The following ZFP1 variants were observed in gnomAD, a reference collection of about 807,000 sequenced individuals.
The protein encoded by ZFP1 is zinc finger protein 1 homolog.
A neutral mutation model predicts 38.5 loss-of-function variants in ZFP1; 32 were observed. That is an observed-to-expected ratio of 0.83 (90% CI 0.63 to 1.12). ZFP1 has a LOEUF of 1.12. Among genes scored for constraint, ZFP1 ranks in the 50% most tolerant of loss-of-function variants. ZFP1 has a pLI of 0.00. For missense variants in ZFP1, 616 were observed against 480.8 expected, an observed-to-expected ratio of 1.28 and a Z score of -2.63; for synonymous variants, 245 against 168.8, an observed-to-expected ratio of 1.45 and a Z score of -3.50.
chr16:75,124,610 C>T, the ZFP1 span, among the ~76,000 whole-genome samples: 3 of 149,808 alleles, frequency 2.0e-5, no homozygotes, highest in African/African-American at 7.3e-5. Flanking sequence ...GGTGAAACCC[C>T]ATCTCTACTA....
the ZFP1 span, among the ~76,000 whole-genome samples, chr16:75,136,779 G>A: frequency 1.3e-5 from 2 of 152,208 alleles, no homozygotes; most frequent in East Asian, 3.9e-4. Context: ...ACTGAGGCAG[G>A]AAGACTGCTT....
intron 2 of ZFP1, among the ~76,000 whole-genome samples, chr16:75,159,323 TTCCCTCCCTCCCTCCC>T (rs1182125172): frequency 4.6e-4 from 3 of 6,568 alleles, no homozygotes; most frequent in African/African-American, 7.5e-4. Flanking sequence ...TTTCCCTCCT[TTCCCTCCCTCCCTCCC>T]TCCCTCCCTC....
chr16:75,170,495 G>A lies in ZFP1; in HGVS notation c.*161G>A. 1 of 1,062,616 alleles carries A rather than the reference G, an allele frequency of 9.4e-7. No individual in the cohort carries two copies. Among genetic ancestry groups the A allele is most frequent in the East Asian group, 2.7e-5 (1 of 37,018 alleles). 65.8% of individuals were successfully genotyped at this position (1,062,616 alleles called of 1,614,324 possible). On this transcript the variant is annotated 3_prime_UTR_variant, in exon 4 of 4. Coordinates refer to ENST00000570010, the MANE Select transcript of ZFP1 (RefSeq NM_153688.4). ...AGGATCCCATGAGAACATTATACTG[G>A]AAGTTACATGTGATACCCAGCTAAA...
At chr16:75,169,112 TG>T in intron 3 of ZFP1, 140 bp from the exon 4 acceptor site, 1 of 1,154,914 alleles carries the variant, frequency 8.7e-7, no homozygotes, top group Non-Finnish European at 1.2e-6. Flanking sequence ...ACATTTGCAC[TG>T]GGAATTTTTT....
the ZFP1 span, among the ~76,000 whole-genome samples, chr16:75,125,088 A>G: frequency 6.6e-6 from 1 of 151,546 alleles, no homozygotes; most frequent in East Asian, 2.0e-4. Context: ...GTGAAACCCC[A>G]TCTGTACTAA....
In ZFP1 at chr16:75,172,086, A is replaced by T. The variant is rs2038464956; in HGVS notation, c.*1752A>T. ...AATGGATGAATAAATTGTGGTAAAA[A>T]CATACCATGGCTGAATGGTATTTCC... On this transcript the variant is annotated 3_prime_UTR_variant, in exon 4 of 4. Coordinates refer to ENST00000570010, the MANE Select transcript of ZFP1 (RefSeq NM_153688.4). 6.6e-6 allele frequency: 1 copy of T among 152,244 alleles called. No individual in the cohort carries two copies. Among genetic ancestry groups the T allele is most frequent in the South Asian group, 2.1e-4 (1 of 4,834 alleles). 9.4% of individuals were successfully genotyped at this position (152,244 alleles called of 1,614,324 possible). A position where few individuals can be genotyped will look rare whatever the true frequency, so the allele number is the denominator to read the frequency against.
At chr16:75,149,400 C>T (rs541588212) in intron 1 of ZFP1, 1 of 152,176 alleles carries the variant, frequency 6.6e-6, no homozygotes, top group Non-Finnish European at 1.5e-5. Flanking sequence ...ACCCAAAATT[C>T]TTCACTACTT....
chr16:75,156,699 G>C (rs1384187317), intron 2 of ZFP1, among the ~76,000 whole-genome samples: 3 of 152,102 alleles, frequency 2.0e-5, no homozygotes, highest in Non-Finnish European at 2.9e-5. Flanking sequence ...ATAATTAGAG[G>C]GAGTGGGATG....
chr16:75,132,356 AAC>A, the ZFP1 span, among the ~76,000 whole-genome samples: 4 of 150,352 alleles, frequency 2.7e-5, no homozygotes, highest in Admixed American at 2.7e-4. Flanking sequence ...GCCACTGAGC[AAC>A]AGAGTGAGAC....
the ZFP1 span, among the ~76,000 whole-genome samples, chr16:75,124,197 C>G: frequency 0.062 from 9,237 of 149,678 alleles, 353 homozygotes; most frequent in Admixed American, 0.12. Flanking sequence ...GAGTCTTGCT[C>G]TGTTGCCCAG....
chr16:75,146,323 C>T (rs1396702176), upstream of ZFP1, among the ~76,000 whole-genome samples: 4 of 151,966 alleles, frequency 2.6e-5, no homozygotes, highest in African/African-American at 7.2e-5. Context: ...CCACCACGCC[C>T]GGCTAATTTT....
At chr16:75,154,061 A>AC (rs1179916687) in intron 2 of ZFP1, among the ~76,000 whole-genome samples, 1 of 152,184 alleles carries the variant, frequency 6.6e-6, no homozygotes, top group East Asian at 1.9e-4. Flanking sequence ...TAGTAAAAAA[A>AC]AAAGTACAAA....
At position 75,169,805 on chromosome 16, in the gene ZFP1, G is replaced by A; in HGVS notation, c.695G>A (p.Arg232Lys). 1 of 1,614,100 alleles carries A rather than the reference G, an allele frequency of 6.2e-7. No homozygotes were observed. The highest frequency in any genetic ancestry group is 8.5e-7 in the Non-Finnish European group (1 of 1,180,010). ...AAGGCCAACCTCATCAAACATCAGA[G>A]AATTCACACTGGGGAGAAACCTTTC... is the stretch of plus-strand genomic sequence containing the variant. ...SHKANLIKHQ[R>K]IHTGEKPFEC... Residue 232 changes from arginine (R) to lysine (K), a missense_variant, in exon 4 of 4, where the codon AGA becomes AAA. Coordinates refer to ENST00000570010, the MANE Select transcript of ZFP1 (RefSeq NM_153688.4).
At chr16:75,162,648 T>G (rs1251054089) in intron 2 of ZFP1, among the ~76,000 whole-genome samples, 1 of 152,224 alleles carries the variant, frequency 6.6e-6, no homozygotes, top group African/African-American at 2.4e-5. Context: ...TACCCAATAG[T>G]TTTTGCCTTT....
chr16:75,150,192 T>C (rs1194242516), intron 1 of ZFP1, among the ~76,000 whole-genome samples: 1 of 147,820 alleles, frequency 6.8e-6, no homozygotes, highest in Non-Finnish European at 1.5e-5. Context: ...TTCCAAGTTT[T>C]TGGAGATTTT....
chr16:75,141,055 G>A, the ZFP1 span, among the ~76,000 whole-genome samples: 1 of 152,072 alleles, frequency 6.6e-6, no homozygotes, highest in Non-Finnish European at 1.5e-5. Flanking sequence ...GAGAATCATT[G>A]CTAATATTTG....
chr16:75,167,195 T>A (rs1378190477), intron 3 of ZFP1, among the ~76,000 whole-genome samples: 1 of 152,228 alleles, frequency 6.6e-6, no homozygotes, highest in Non-Finnish European at 1.5e-5. Context: ...CAGAACATTC[T>A]AAGGGAGATA....
intron 2 of ZFP1, among the ~76,000 whole-genome samples, chr16:75,165,574 T>TAGTAG (rs942797224): frequency 1.3e-5 from 2 of 152,098 alleles, no homozygotes; most frequent in Non-Finnish European, 2.9e-5. Context: ...TTTGTATTTT[T>TAGTAG]AGTAGAGATG....
chr16:75,144,154 G>C (rs1272790996), upstream of ZFP1: 4 of 152,308 alleles, frequency 2.6e-5, no homozygotes, highest in South Asian at 8.3e-4. Context: ...GCCCACACAC[G>C]TGGTGCTTAC....
Sources: gnomAD v4.1 joint callset for allele counts (sites outside exome capture counted in the v4.1 genomes callset) on GRCh38, gnomAD v4.1.1 for gene constraint, MANE v1.5 for transcripts, NCBI Gene and HGNC (gene_info 2026-07-23, HGNC 2026-07-21) for gene names.